Variants in CNOT1 observed in about 807,000 individuals in gnomAD.
CNOT1 encodes CCR4-NOT transcription complex subunit 1.
In CNOT1, 15 loss-of-function variants were observed where a neutral mutation model predicts 273.8. That is an observed-to-expected ratio of 0.05 (90% confidence interval 0.04 to 0.08). The LOEUF (loss-of-function observed/expected upper bound fraction) is 0.08, where lower values mean the gene tolerates loss of function less well. CNOT1 is among the 10% of genes least tolerant of loss of function. The pLI is 1.00. For missense variants in CNOT1, 1,644 were observed against 2,912.2 expected (o/e 0.56, Z 10.02); for synonymous variants, 1,022 against 1,005.5 (o/e 1.02, Z -0.31).
chr16:58,591,997 C>T (rs1256512631), intron 2 of CNOT1, among the ~76,000 whole-genome samples: 3 of 151,718 alleles, frequency 2.0e-5, no homozygotes, highest in Non-Finnish European at 2.9e-5. Flanking sequence ...AGCCATAAAT[C>T]GAAACATTAT....
In CNOT1 at chr16:58,575,144, A is replaced by G; in HGVS notation, c.1705-15T>C. ...ATTGACAAGGCCTAAAGGACAAAGC[A>G]CATTAGATAATGCAAATGGAGCAAT... On this transcript the variant is annotated splice_polypyrimidine_tract_variant and intron_variant, in intron 14 of 48. Transcript: ENST00000317147. The G allele has an allele frequency of 6.2e-7, 1 of 1,606,844 alleles. No individual in the cohort carries two copies. Among genetic ancestry groups the G allele is most frequent in the South Asian group, 1.1e-5 (1 of 89,394 alleles).
At position 58,583,103 on chromosome 16, in the gene CNOT1, T is replaced by A. The variant is rs1454726369; in HGVS notation, c.886A>T (p.Met296Leu). The A allele has an allele frequency of 1.2e-6, 2 of 1,614,084 alleles. No individual in the cohort carries two copies. The highest frequency in any genetic ancestry group is 2.2e-5 in the South Asian group (2 of 91,088). The change falls in exon 9 of 49, where the codon ATG becomes TTG. Residue 296 changes from methionine (M) to leucine (L), a missense_variant. Met to Leu is a conservative substitution (Grantham distance 15). Around this residue, in one of 13 missense-constraint regions of CNOT1, gnomAD observed 706 missense variants for 1,021.2 expected, o/e 0.69. Coordinates refer to ENST00000317147, the MANE Select transcript of CNOT1 (RefSeq NM_016284.5). Reference protein sequence around the residue: ...TAAQVARVLGMMARTHSGLTD... With the variant: ...TAAQVARVLGLMARTHSGLTD... Reference sequence around the variant, plus strand: ...AATCCTGAATGAGTTCGAGCCATCATTCCCAAAACCCTTGCAACCTGGGCA... The same window carrying A: ...AATCCTGAATGAGTTCGAGCCATCAATCCCAAAACCCTTGCAACCTGGGCA...
intron 21 of CNOT1, 44 bp from the exon 22 acceptor site, chr16:58,553,904 A>C (rs2040539219): frequency 6.4e-7 from 1 of 1,560,740 alleles, no homozygotes; most frequent in African/African-American, 1.4e-5. Flanking sequence ...TCAGAACAGA[A>C]GCATCACTAA....
chr16:58,537,363 T>A, intron 38 of CNOT1, 143 bp from the exon 39 acceptor site: 1 of 1,261,486 alleles, frequency 7.9e-7, no homozygotes, highest in South Asian at 1.7e-5. Flanking sequence ...GAAACAAAAC[T>A]ATACTTAGTC....
chr16:58,543,150 AAATT>A (rs2040146705), intron 31 of CNOT1: 5 of 1,388,892 alleles, frequency 3.6e-6, no homozygotes, highest in Non-Finnish European at 4.7e-6. Flanking sequence ...AGCAGTAAAC[AAATT>A]ATTAATCATG....
At chr16:58,527,481 T>G (rs57596458) in intron 44 of CNOT1, among the ~76,000 whole-genome samples, 6,359 of 151,964 alleles carry the variant, frequency 0.042, 419 homozygotes, top group East Asian at 0.26. Flanking sequence ...GAGCTGAGAT[T>G]GCGCCACTGC....
At chr16:58,550,085 C>T (rs1189619930) in intron 24 of CNOT1, among the ~76,000 whole-genome samples, 187 bp from the exon 25 acceptor site, 1 of 152,206 alleles carries the variant, frequency 6.6e-6, no homozygotes, top group Admixed American at 6.5e-5. Context: ...TCAATCACAA[C>T]TCAACCCATA....
intron 34 of CNOT1, among the ~76,000 whole-genome samples, chr16:58,540,700 T>C (rs930967791): frequency 1.3e-5 from 2 of 152,140 alleles, no homozygotes; most frequent in Non-Finnish European, 2.9e-5. Context: ...CTGACCTTAA[T>C]GGTTGTACCA....
intron 8 of CNOT1, among the ~76,000 whole-genome samples, chr16:58,585,027 T>C (rs1345863640): frequency 2.6e-5 from 4 of 152,082 alleles, no homozygotes; most frequent in Non-Finnish European, 4.4e-5. Flanking sequence ...GCGATACAAG[T>C]TCCATAAACA....
chr16:58,560,902 G>A (rs558448925), intron 16 of CNOT1, among the ~76,000 whole-genome samples: 2 of 152,174 alleles, frequency 1.3e-5, no homozygotes, highest in South Asian at 4.1e-4. Flanking sequence ...GCGCATGCCT[G>A]TAGTCCCAGC....
chr16:58,543,294 T>G, intron 31 of CNOT1: 1 of 1,547,348 alleles, frequency 6.5e-7, no homozygotes. Context: ...TCATCCTTCC[T>G]GGTTAACAGA....
intron 35 of CNOT1, among the ~76,000 whole-genome samples, chr16:58,539,161 C>G (rs1171652076): frequency 6.6e-6 from 1 of 151,848 alleles, no homozygotes; most frequent in Non-Finnish European, 1.5e-5. Flanking sequence ...GGCTCCCTAC[C>G]TACCCTGATC....
At chr16:58,598,331 G>A (rs932457728) in intron 2 of CNOT1, among the ~76,000 whole-genome samples, 7 of 151,018 alleles carry the variant, frequency 4.6e-5, no homozygotes, top group African/African-American at 1.7e-4. Context: ...CTGGGAGATG[G>A]TGGTTGCAGT....
At chr16:58,521,159 A>G (rs763682255) in intron 48 of CNOT1, 24 bp downstream of exon 48, 1 of 1,612,962 alleles carries the variant, frequency 6.2e-7, no homozygotes, top group Admixed American at 1.7e-5. Context: ...ATTCCTAGAC[A>G]ATTAAAAATT....
At chr16:58,551,363 A>T (rs1384980771) in intron 23 of CNOT1, 91 bp from the exon 24 acceptor site, 6 of 1,356,924 alleles carry the variant, frequency 4.4e-6, no homozygotes, top group Non-Finnish European at 6.0e-6. Flanking sequence ...AGTGTTAAAA[A>T]ATACACATGG....
At position 58,587,237 on chromosome 16, in the gene CNOT1, G is replaced by C. The variant is rs750904918; in HGVS notation, c.397C>G (p.Leu133Val). ...KVQEVIFGLA[L>V]LNSSSSDLRG... is the part of the protein sequence containing the mutation. ...AGATCTGAGCTGGAAGAATTCAACAGGGCAAGGCCAAAAATTACCTGAAAC... is the reference window on the plus strand; with the variant it reads ...AGATCTGAGCTGGAAGAATTCAACACGGCAAGGCCAAAAATTACCTGAAAC... The change falls in exon 6 of 49, where the codon CTG becomes GTG. Residue 133 changes from leucine to valine, a missense_variant. Around this residue, in one of 13 missense-constraint regions of CNOT1, gnomAD observed 706 missense variants for 1,021.2 expected, o/e 0.69. Transcript: ENST00000317147. 2.5e-6 allele frequency: 4 copies of C among 1,613,546 alleles called. No individual in the cohort carries two copies. In the African/African-American group the frequency reaches 5.3e-5, roughly 22 times the overall value.
At position 58,543,411 on chromosome 16, in the gene CNOT1, GA is replaced by G. The variant is rs5817153; in HGVS notation, c.4434+195del. Reference sequence around the variant, plus strand: ...CAAACATCGTGTTGAGAATATAACAGAAAAAAAAAAAAACACACAGACATGA... The same window carrying G: ...CAAACATCGTGTTGAGAATATAACAGAAAAAAAAAAAACACACAGACATGA... On this transcript the variant is annotated intron_variant, in intron 31 of 48. Coordinates refer to ENST00000317147, the MANE Select transcript of CNOT1 (RefSeq NM_016284.5). 331,099 of 1,322,598 alleles carry G rather than the reference GA, an allele frequency of 0.25. 8,091 individuals are homozygous for G. The highest frequency in any genetic ancestry group is 0.36 in the Admixed American group (11,720 of 32,876). 81.9% of individuals were successfully genotyped at this position (1,322,598 alleles called of 1,614,324 possible). A position where few individuals can be genotyped will look rare whatever the true frequency, so the allele number is the denominator to read the frequency against.
chr16:58,611,930 C>T (rs1433309610), intron 1 of CNOT1, among the ~76,000 whole-genome samples: 1 of 152,080 alleles, frequency 6.6e-6, no homozygotes, highest in Admixed American at 6.6e-5. Flanking sequence ...CTCCCCTTAA[C>T]TCCTTCCAAC....
intron 16 of CNOT1, among the ~76,000 whole-genome samples, chr16:58,565,995 TTGTC>T (rs1316161906): frequency 1.3e-5 from 2 of 152,110 alleles, no homozygotes; most frequent in Admixed American, 6.5e-5. Context: ...TGATTTGAGT[TTGTC>T]TGATGTTCTA....
Sources: gnomAD v4.1 joint callset for allele counts (sites outside exome capture counted in the v4.1 genomes callset) on GRCh38, gnomAD v4.1.1 for gene constraint, gnomAD v4.1.1 regional missense constraint, MANE v1.5 for transcripts, NCBI Gene and HGNC (gene_info 2026-07-23, HGNC 2026-07-21) for gene names.